Variants in C2orf42 observed in about 807,000 individuals in gnomAD.
C2orf42 encodes the protein chromosome 2 open reading frame 42.
A neutral mutation model predicts 58.9 loss-of-function variants in C2orf42; 44 were observed. The observed-to-expected ratio is 0.75, with a 90% CI of 0.59 to 0.96. The LOEUF is 0.96. Ranked by LOEUF, C2orf42 falls within the 40% of genes least tolerant of loss-of-function variation. The pLI, the probability that C2orf42 is intolerant of heterozygous loss-of-function variation, is 0.00. For missense variants in C2orf42, 630 were observed against 699.2 expected (o/e 0.90, Z 1.12); for synonymous variants, 239 against 265.4 (o/e 0.90, Z 0.97).
chr2:70,153,788 G>A (rs533584426), intron 9 of C2orf42, among the ~76,000 whole-genome samples: 5 of 151,748 alleles, frequency 3.3e-5, no homozygotes, highest in East Asian at 2.0e-4. Flanking sequence ...GGCCGGGCGC[G>A]GTGGCTCATG....
intron 8 of C2orf42, among the ~76,000 whole-genome samples, chr2:70,164,488 C>T (rs1340686006): frequency 1.3e-5 from 2 of 151,518 alleles, no homozygotes; most frequent in Admixed American, 6.6e-5. Context: ...AAAAATTAGC[C>T]GGGTATGGTG....
chr2:70,171,836 G>T (rs1673840936), intron 5 of C2orf42, among the ~76,000 whole-genome samples: 1 of 151,800 alleles, frequency 6.6e-6, no homozygotes, highest in Admixed American at 6.6e-5. Flanking sequence ...ATAAGTGAAA[G>T]AGTGAAATCT....
intron 1 of C2orf42, among the ~76,000 whole-genome samples, chr2:70,183,806 A>G (rs1674744950): frequency 6.7e-6 from 1 of 150,046 alleles, no homozygotes; most frequent in Non-Finnish European, 1.5e-5. Context: ...ATAGTAATAC[A>G]TCACATTTTG....
intron 4 of C2orf42, among the ~76,000 whole-genome samples, chr2:70,178,737 C>T (rs1163711073): frequency 6.6e-6 from 1 of 151,980 alleles, no homozygotes; most frequent in Non-Finnish European, 1.5e-5. Flanking sequence ...GAGTTCAAGA[C>T]CAGTCTGACC....
At chr2:70,163,359 C>A (rs1042263168) in intron 8 of C2orf42, among the ~76,000 whole-genome samples, 6 of 151,982 alleles carry the variant, frequency 3.9e-5, no homozygotes, top group Admixed American at 3.9e-4. Flanking sequence ...ATTCTCCTGA[C>A]TCAGCCTCCC....
At chr2:70,187,908 C>G (rs1192438246) in intron 1 of C2orf42, among the ~76,000 whole-genome samples, 1 of 152,038 alleles carries the variant, frequency 6.6e-6, no homozygotes, top group Non-Finnish European at 1.5e-5. Context: ...CCAGGCTGGT[C>G]TCGAACTCCT....
intron 5 of C2orf42, among the ~76,000 whole-genome samples, chr2:70,172,931 G>A (rs6749756): frequency 6.6e-6 from 1 of 151,990 alleles, no homozygotes; most frequent in Non-Finnish European, 1.5e-5. Flanking sequence ...GGGAGGCCAA[G>A]GCAGGCGGAT....
intron 4 of C2orf42, among the ~76,000 whole-genome samples, chr2:70,176,460 C>A (rs999877076): frequency 6.6e-6 from 1 of 151,124 alleles, no homozygotes. Flanking sequence ...GCCGAGACTG[C>A]GCCACTGCAC....
chr2:70,173,229 T>G (rs1673948269), intron 5 of C2orf42, among the ~76,000 whole-genome samples: 1 of 151,560 alleles, frequency 6.6e-6, no homozygotes, highest in South Asian at 2.1e-4. Context: ...GTGACTTTCC[T>G]TAAACACTTA....
In C2orf42 at chr2:70,181,613, T is replaced by C; in HGVS notation, c.373A>G (p.Thr125Ala). 1 of 1,614,024 alleles carries C rather than the reference T, an allele frequency of 6.2e-7. No individual in the cohort carries two copies. Among genetic ancestry groups the C allele is most frequent in the Non-Finnish European group, 8.5e-7 (1 of 1,179,986 alleles). Residue 125 changes from threonine to alanine, a missense_variant, in exon 3 of 10, where the codon ACT (threonine) becomes GCT (alanine). Thr to Ala is a moderately conservative substitution (Grantham distance 58). Coordinates refer to ENST00000264434, the MANE Select transcript of C2orf42 (RefSeq NM_017880.3). ...CACTGGTTTTCCACAACGCCTTGAG[T>C]GGCAGCTTTCAGGCATGAGGGGACA... ...CYVPSCLKAA[T>A]QGVVENQCQH...
At chr2:70,179,445 T>C (rs866536245) in intron 4 of C2orf42, 87 bp downstream of exon 4, 1 of 485,330 alleles carries the variant, frequency 2.1e-6, no homozygotes, top group South Asian at 4.8e-5. Flanking sequence ...TATTTTCTTA[T>C]AATTGCTGAG....
intron 9 of C2orf42, among the ~76,000 whole-genome samples, chr2:70,158,105 A>G (rs1672800244): frequency 6.6e-6 from 1 of 151,910 alleles, no homozygotes; most frequent in African/African-American, 2.4e-5. Flanking sequence ...AGGCTGAGGC[A>G]GGAGAATTGC....
chr2:70,177,872 C>G (rs545524798), intron 4 of C2orf42, among the ~76,000 whole-genome samples: 1 of 152,020 alleles, frequency 6.6e-6, no homozygotes, highest in Non-Finnish European at 1.5e-5. Flanking sequence ...CCTGTCTCTA[C>G]AAAAAACAAA....
rs1674598374 is a variant in C2orf42 at position 70,181,828 on chromosome 2, T to C, written c.158A>G (p.Tyr53Cys). 1.2e-6 allele frequency: 2 copies of C among 1,614,164 alleles called. No individual in the cohort carries two copies. The highest frequency in any genetic ancestry group is 1.7e-6 in the Non-Finnish European group (2 of 1,180,032). ...KNKTCGTIFR[Y>C]GARKQPSVEA... is the part of the protein sequence containing the mutation. ...AACACTAGGCTGCTTGCGTGCACCG[T>C]AGCGGAATATGGTTCCACATGTCTT... Residue 53 changes from tyrosine to cysteine, a missense_variant, in exon 3 of 10, where the codon TAC (tyrosine) becomes TGC (cysteine). Physicochemically the swap from Tyr to Cys is radical, Grantham distance 194 (BLOSUM62 -2). Transcript: ENST00000264434.
At chr2:70,167,031 G>A (rs1344626752) in intron 6 of C2orf42, among the ~76,000 whole-genome samples, 1 of 152,086 alleles carries the variant, frequency 6.6e-6, no homozygotes, top group Non-Finnish European at 1.5e-5. Flanking sequence ...CCTCAAGGCA[G>A]GTAAAATACT....
At chr2:70,170,746 T>TA (rs11344008) in intron 5 of C2orf42, among the ~76,000 whole-genome samples, 107 of 131,714 alleles carry the variant, frequency 8.1e-4, no homozygotes, top group Middle Eastern at 8.3e-3. Flanking sequence ...AGTGAGACTC[T>TA]AAAAAAAAAA....
chr2:70,154,501 C>G (rs1031737084), intron 9 of C2orf42, among the ~76,000 whole-genome samples: 3 of 144,940 alleles, frequency 2.1e-5, no homozygotes, highest in Non-Finnish European at 4.5e-5. Flanking sequence ...GAGTGTGGTA[C>G]TAGCATGCAT....
At position 70,163,287 on chromosome 2, in the gene C2orf42, C is replaced by T. The variant is rs578178704; in HGVS notation, c.1353+1805G>A. Among the ~76,000 whole-genome samples the T allele has an allele frequency of 4.0e-5, 6 of 151,834 alleles. No individual in the cohort carries two copies. In the East Asian group the frequency reaches 7.9e-4, roughly 20 times the overall value. On this transcript the variant is annotated intron_variant, in intron 8 of 9. Coordinates refer to ENST00000264434, the MANE Select transcript of C2orf42 (RefSeq NM_017880.3). ...TGAGACAGCGTCTTGCTCTGTCGCCCAGGCTGGAGTGCAGTGGTGCGATCT... is the reference window on the plus strand; with the variant it reads ...TGAGACAGCGTCTTGCTCTGTCGCCTAGGCTGGAGTGCAGTGGTGCGATCT...
chr2:70,185,709 T>G (rs952390256), intron 1 of C2orf42, among the ~76,000 whole-genome samples: 6 of 149,488 alleles, frequency 4.0e-5, no homozygotes, highest in Non-Finnish European at 8.9e-5. Context: ...TGAGACTTTG[T>G]CACAAAAAAA....
Sources: allele counts gnomAD v4.1 joint callset (sites outside exome capture counted in the v4.1 genomes callset), GRCh38; gene constraint gnomAD v4.1.1; transcripts MANE v1.5; gene names NCBI Gene and HGNC (gene_info 2026-07-23, HGNC 2026-07-21).